KCTD1: variants seen among roughly 807,000 people sequenced by gnomAD.
KCTD1 encodes BTB/POZ domain-containing protein KCTD1.
KCTD1 carries 24 observed loss-of-function variants against 66.0 expected under a neutral mutation model. The observed-to-expected ratio is 0.36, with a 90% CI of 0.26 to 0.51. The LOEUF (loss-of-function observed/expected upper bound fraction) is 0.51, where lower values mean the gene tolerates loss of function less well. Among genes scored for constraint, KCTD1 ranks in the 20% least tolerant of loss-of-function variants. The pLI, the probability that KCTD1 is intolerant of heterozygous loss-of-function variation, is 0.95. For missense variants in KCTD1, 943 were observed against 1,205.2 expected, an observed-to-expected ratio of 0.78 and a Z score of 3.22; for synonymous variants, 511 against 517.2, an observed-to-expected ratio of 0.99 and a Z score of 0.16.
intron 1 of KCTD1, among the ~76,000 whole-genome samples, chr18:26,582,169 G>GGCTGAGGTGAGAGGATCACTTGAA (rs1184650346): frequency 4.0e-5 from 6 of 151,772 alleles, no homozygotes; most frequent in African/African-American, 1.5e-4. Flanking sequence ...GCTTCTCTGA[G>GGCTGAGGTGAGAGGATCACTTGAA]GCTGAGGTGA....
intron 3 of KCTD1, among the ~76,000 whole-genome samples, chr18:26,471,001 C>T (rs530883824): frequency 2.6e-5 from 4 of 152,098 alleles, no homozygotes; most frequent in Non-Finnish European, 5.9e-5. Context: ...TGGGCTCTGA[C>T]AGGGATGTGG....
chr18:26,529,914 A>G (rs1189190915), intron 1 of KCTD1, among the ~76,000 whole-genome samples: 1 of 152,246 alleles, frequency 6.6e-6, no homozygotes, highest in Non-Finnish European at 1.5e-5. Flanking sequence ...TAGTAACAGA[A>G]TTAAACTCAG....
In KCTD1 at chr18:26,571,040, T is replaced by C. The variant is rs377608451; in HGVS notation, c.-16+58107A>G. The stretch of plus-strand genomic sequence containing the variant: ...TATTTTTATTGCTAATTATAAAATA[T>C]TTTTACTGGTAAATAGCCATTACAT... On this transcript the variant is annotated intron_variant, in intron 1 of 4. Coordinates refer to the KCTD1 transcript ENST00000317932. Among the ~76,000 whole-genome samples the C allele has an allele frequency of 1.8e-3, 275 of 152,370 alleles. 6 individuals are homozygous for C. The highest frequency in any genetic ancestry group is 6.3e-3 in the African/African-American group (262 of 41,588).
chr18:26,638,520 G>A (rs1481825222), intron 1 of KCTD1, among the ~76,000 whole-genome samples: 2 of 152,364 alleles, frequency 1.3e-5, no homozygotes, highest in Middle Eastern at 3.4e-3. Context: ...GGTCAGTTGT[G>A]TCAGGTTTGA....
At chr18:26,495,980 C>G (rs879340518) in intron 2 of KCTD1, among the ~76,000 whole-genome samples, 3 of 152,094 alleles carry the variant, frequency 2.0e-5, no homozygotes, top group Admixed American at 2.0e-4. Context: ...GACGTGTTTT[C>G]TTTTAAAGCA....
chr18:26,650,944 C>T (rs1447900356), intron 1 of KCTD1, among the ~76,000 whole-genome samples: 2 of 152,200 alleles, frequency 1.3e-5, no homozygotes, highest in Non-Finnish European at 2.9e-5. Context: ...TTGGTGTCGG[C>T]AGCAAGGGCT....
At chr18:26,506,962 T>C (rs1012393918) in intron 1 of KCTD1, among the ~76,000 whole-genome samples, 1 of 152,206 alleles carries the variant, frequency 6.6e-6, no homozygotes, top group African/African-American at 2.4e-5. Flanking sequence ...GGTCAGGAGT[T>C]TGAGACCAGC....
intron 1 of KCTD1, among the ~76,000 whole-genome samples, chr18:26,579,139 C>T (rs1280108830): frequency 6.6e-6 from 1 of 152,080 alleles, no homozygotes; most frequent in Non-Finnish European, 1.5e-5. Flanking sequence ...TTATTTGTCT[C>T]ACTCCACTAT....
upstream of KCTD1, among the ~76,000 whole-genome samples, chr18:26,632,472 T>A (rs1425924345): frequency 6.6e-6 from 1 of 152,112 alleles, no homozygotes; most frequent in Non-Finnish European, 1.5e-5. Flanking sequence ...GACTTTGTCA[T>A]GGAAGAGTTA....
rs546252305 is a variant in KCTD1, at chr18:26,577,544, T to C, written c.-16+51603A>G. 1.9e-3 allele frequency among the ~76,000 whole-genome samples: 122 copies of C among 64,548 alleles called. 2 individuals carry two copies. The highest frequency in any genetic ancestry group is 5.1e-3 in the African/African-American group (119 of 23,340). 42.3% of individuals were successfully genotyped at this position (64,548 alleles called of 152,430 possible). On this transcript the variant is annotated intron_variant, in intron 1 of 4. Coordinates refer to the KCTD1 transcript ENST00000317932. ...GGATAAATTCATGAGCATTTCTTAA[T>C]TTTTTTTTTTTTAGACTTTTTAGAC...
At chr18:26,470,280 G>GAA (rs5823511) in intron 3 of KCTD1, among the ~76,000 whole-genome samples, 20 of 151,552 alleles carry the variant, frequency 1.3e-4, no homozygotes, top group South Asian at 2.1e-4. Context: ...AATAAGCGAA[G>GAA]AAAAAAAAAT....
At chr18:26,522,621 C>CCAA (rs1211718701) in intron 1 of KCTD1, among the ~76,000 whole-genome samples, 2 of 152,152 alleles carry the variant, frequency 1.3e-5, no homozygotes, top group Non-Finnish European at 2.9e-5. Context: ...CTGTAACTTT[C>CCAA]TCAGGTTTAA....
intron 1 of KCTD1, among the ~76,000 whole-genome samples, chr18:26,609,453 A>AT (rs1326988387): frequency 6.6e-6 from 1 of 152,234 alleles, no homozygotes; most frequent in Admixed American, 6.5e-5. Flanking sequence ...TAATGGGACC[A>AT]TATTACCGGG....
At chr18:26,656,383 C>T (rs1265505307) in intron 1 of KCTD1, among the ~76,000 whole-genome samples, 3 of 152,142 alleles carry the variant, frequency 2.0e-5, no homozygotes, top group African/African-American at 4.8e-5. Context: ...GCCCTTTATC[C>T]GGGGAGGAGG....
At chr18:26,578,049 T>C (rs1986266699) in intron 1 of KCTD1, among the ~76,000 whole-genome samples, 1 of 141,260 alleles carries the variant, frequency 7.1e-6, no homozygotes, top group Admixed American at 7.5e-5. Flanking sequence ...TTTTCTTTTC[T>C]TTTCTTTCTT....
At chr18:26,577,947 G>A (rs893288942) in intron 1 of KCTD1, among the ~76,000 whole-genome samples, 2 of 151,860 alleles carry the variant, frequency 1.3e-5, no homozygotes, top group Non-Finnish European at 2.9e-5. Flanking sequence ...AAGAATTTAG[G>A]GATTTGGGAA....
rs534077875 is a variant in KCTD1 at position 26,602,780 on chromosome 18, A to C, written c.-16+26367T>G. Reference sequence around the variant, plus strand: ...ACTTAAGTTCTCCTTCCACAGCTGTATCAGTTCAGCATATGCTCACCTGCG... The same window carrying C: ...ACTTAAGTTCTCCTTCCACAGCTGTCTCAGTTCAGCATATGCTCACCTGCG... On this transcript the variant is annotated intron_variant, in intron 1 of 4. Transcript: ENST00000317932. Among the ~76,000 whole-genome samples, 33 of 152,364 alleles carry C rather than the reference A, an allele frequency of 2.2e-4. No homozygotes were observed. The South Asian group carries it at 6.4e-3, about 30-fold the overall frequency.
intron 1 of KCTD1, among the ~76,000 whole-genome samples, chr18:26,555,014 G>T (rs1303279979): frequency 6.6e-6 from 1 of 152,188 alleles, no homozygotes; most frequent in Non-Finnish European, 1.5e-5. Context: ...GATTAAAGTG[G>T]ACATTAGTCC....
In KCTD1 at chr18:26,486,256, G is replaced by A. The variant is rs538868756; in HGVS notation, c.1989-9597C>T. Among the ~76,000 whole-genome samples, 4 of 152,276 alleles carry A rather than the reference G, an allele frequency of 2.6e-5. No individual in the cohort carries two copies. The East Asian group carries it at 7.7e-4, about 29-fold the overall frequency. On this transcript the variant is annotated intron_variant, in intron 2 of 4. Coordinates refer to ENST00000580059, the MANE Select transcript of KCTD1 (RefSeq NM_001142730.3). ...CTCTATAAAGTATTTTGATTTTCCTGATGGAGAAACTGAGTTATAGAGCCA... is the reference window on the plus strand; with the variant it reads ...CTCTATAAAGTATTTTGATTTTCCTAATGGAGAAACTGAGTTATAGAGCCA...
Sources: allele counts gnomAD v4.1 joint callset (sites outside exome capture counted in the v4.1 genomes callset), GRCh38; gene constraint gnomAD v4.1.1; transcripts MANE v1.5; gene names NCBI Gene and HGNC (gene_info 2026-07-23, HGNC 2026-07-21).